Variants in ADAM12 observed in about 807,000 individuals in gnomAD.
The protein encoded by ADAM12 is disintegrin and metalloproteinase domain-containing protein 12.
Under a neutral mutation model 106.4 loss-of-function variants are expected in ADAM12, and 70 were observed. The ratio of observed to expected loss-of-function variants is 0.66; its 90% CI spans 0.54 to 0.80. ADAM12 has a LOEUF of 0.80. ADAM12 is among the 30% of genes least tolerant of loss of function. ADAM12 has a pLI of 0.00. For synonymous variants in ADAM12, 420 were observed against 433.5 expected, an observed-to-expected ratio of 0.97 and a Z score of 0.39; for missense variants, 1,010 against 1,171.9, an observed-to-expected ratio of 0.86 and a Z score of 2.02.
chr10:126,183,127 G>A (rs1957344064), intron 3 of ADAM12, among the ~76,000 whole-genome samples: 1 of 152,164 alleles, frequency 6.6e-6, no homozygotes, highest in African/African-American at 2.4e-5. Flanking sequence ...CCTAAGGCCT[G>A]GTGATCTGTC....
chr10:126,025,606 C>T (rs1026147808), intron 21 of ADAM12, among the ~76,000 whole-genome samples: 1 of 152,140 alleles, frequency 6.6e-6, no homozygotes, highest in African/African-American at 2.4e-5. Context: ...GCCCCCCCAG[C>T]AAATTGCAGC....
At chr10:126,381,588 C>G (rs1206230483) in intron 1 of ADAM12, among the ~76,000 whole-genome samples, 1 of 152,146 alleles carries the variant, frequency 6.6e-6, no homozygotes, top group Non-Finnish European at 1.5e-5. Flanking sequence ...CTCTGCCTCC[C>G]AGGTTCAAGC....
intron 3 of ADAM12, among the ~76,000 whole-genome samples, chr10:126,221,389 C>CAAAAAAAAAAAAAAAAAAAAA (rs35766891): frequency 9.9e-6 from 1 of 100,712 alleles, no homozygotes; most frequent in East Asian, 2.7e-4. Flanking sequence ...GACTCTGTCT[C>CAAAAAAAAAAAAAAAAAAAAA]AAAAAAAAAA....
intron 4 of ADAM12, among the ~76,000 whole-genome samples, chr10:126,139,232 G>A (rs1256628681): frequency 1.3e-5 from 2 of 151,918 alleles, no homozygotes; most frequent in African/African-American, 2.4e-5. Flanking sequence ...CTTTTAATAC[G>A]GTCATTTTTA....
At chr10:126,113,398 G>A (rs537151245) in intron 6 of ADAM12, among the ~76,000 whole-genome samples, 104 of 151,896 alleles carry the variant, frequency 6.8e-4, no homozygotes, top group African/African-American at 2.4e-3. Context: ...GGTGGCTTAC[G>A]CCTGTAATCC....
chr10:126,224,180 G>A (rs1346630654), intron 3 of ADAM12, among the ~76,000 whole-genome samples: 1 of 152,074 alleles, frequency 6.6e-6, no homozygotes, highest in African/African-American at 2.4e-5. Context: ...GGAGCCCAGA[G>A]AGGGCCTGAC....
intron 20 of ADAM12, among the ~76,000 whole-genome samples, chr10:126,037,066 T>TATCA (rs1035679107): frequency 5.3e-5 from 8 of 152,198 alleles, no homozygotes; most frequent in East Asian, 3.9e-4. Flanking sequence ...TTTCTGTCAC[T>TATCA]ATCAGTTTGC....
intron 3 of ADAM12, among the ~76,000 whole-genome samples, chr10:126,224,301 T>G (rs368702069): frequency 6.6e-6 from 1 of 152,178 alleles, no homozygotes; most frequent in South Asian, 2.1e-4. Context: ...GCCATGCTGG[T>G]GAGGGGAGTC....
rs73376512 is a variant in ADAM12 at position 126,071,889 on chromosome 10, T to A, written c.1146-235A>T. Among the ~76,000 whole-genome samples, 1,800 of 152,280 alleles carry A rather than the reference T, an allele frequency of 0.012. 35 individuals are homozygous for A. The highest frequency in any genetic ancestry group is 0.04 in the African/African-American group (1,670 of 41,564). ...ACGCGGCTGATGAAGAAGTGCTTTA[T>A]CAAAAAAGAAATGATCTTTCGATGG... On this transcript the variant is annotated intron_variant, in intron 11 of 22. Coordinates refer to ENST00000448723, the MANE Select transcript of ADAM12 (RefSeq NM_001288973.2).
chr10:126,241,496 A>G (rs1330720417), intron 3 of ADAM12, among the ~76,000 whole-genome samples: 3 of 152,242 alleles, frequency 2.0e-5, no homozygotes, highest in Admixed American at 2.0e-4. Context: ...CTTGCGCTCA[A>G]ACTGGCAGAA....
chr10:126,177,771 T>A (rs1038188583), intron 3 of ADAM12, among the ~76,000 whole-genome samples: 6 of 152,022 alleles, frequency 3.9e-5, no homozygotes, highest in African/African-American at 1.4e-4. Flanking sequence ...CAATCAAGAG[T>A]TGCCCCTGCT....
chr10:126,036,426 C>A, intron 20 of ADAM12, 101 bp from the exon 21 acceptor site: 1 of 1,187,464 alleles, frequency 8.4e-7, no homozygotes. Context: ...TAGCTGAAGG[C>A]CAAGGTGGGG....
intron 3 of ADAM12, among the ~76,000 whole-genome samples, chr10:126,228,504 CAT>C (rs1259453669): frequency 2.0e-5 from 3 of 152,236 alleles, no homozygotes; most frequent in South Asian, 2.1e-4. Flanking sequence ...TATTTTTAAA[CAT>C]ATGTTTTTTG....
chr10:126,098,230 T>C (rs1414391727), intron 10 of ADAM12, among the ~76,000 whole-genome samples, 186 bp downstream of exon 10: 1 of 152,230 alleles, frequency 6.6e-6, no homozygotes, highest in African/African-American at 2.4e-5. Context: ...CTGTGTGCAA[T>C]TTGCTTTTAA....
At chr10:126,106,896 C>T (rs1045793756) in intron 8 of ADAM12, among the ~76,000 whole-genome samples, 1 of 152,158 alleles carries the variant, frequency 6.6e-6, no homozygotes, top group African/African-American at 2.4e-5. Flanking sequence ...GTGTCTCTCC[C>T]CTGCTTAAAA....
intron 3 of ADAM12, among the ~76,000 whole-genome samples, chr10:126,236,033 G>A (rs539453895): frequency 6.6e-6 from 1 of 152,262 alleles, no homozygotes; most frequent in South Asian, 2.1e-4. Flanking sequence ...GGCATCTTGG[G>A]CAGGCGCTGA....
Position 126,238,867 on chromosome 10 carries a change from C to T in ADAM12, c.260+40048G>A, listed in dbSNP as rs577072375. Among the ~76,000 whole-genome samples the T allele has an allele frequency of 2.0e-4, 31 of 152,302 alleles. No homozygotes were observed. In the South Asian group the frequency reaches 2.1e-3, roughly 10 times the overall value. ...GGGTAAACCTGAGATTTCATGGGCA[C>T]TCATTCTGCTCTGCTACATTTTTCC... On this transcript the variant is annotated intron_variant, in intron 3 of 22. Transcript: ENST00000448723.
chr10:126,111,961 T>C (rs1294679570), intron 6 of ADAM12, among the ~76,000 whole-genome samples: 1 of 152,114 alleles, frequency 6.6e-6, no homozygotes, highest in East Asian at 1.9e-4. Context: ...AGAGCAACAT[T>C]TGAAACTGGT....
intron 5 of ADAM12, among the ~76,000 whole-genome samples, chr10:126,130,265 C>T (rs1956281012): frequency 6.6e-6 from 1 of 152,118 alleles, no homozygotes; most frequent in South Asian, 2.1e-4. Context: ...AGCTTCCCCT[C>T]ACCCTGGTCT....
Sources: allele counts gnomAD v4.1 joint callset (sites outside exome capture counted in the v4.1 genomes callset), GRCh38; gene constraint gnomAD v4.1.1; transcripts MANE v1.5; gene names NCBI Gene and HGNC (gene_info 2026-07-23, HGNC 2026-07-21).